The following KAZN variants were observed in gnomAD, a reference collection of about 807,000 sequenced individuals.
KAZN encodes kazrin, periplakin interacting protein.
In KAZN, 40 loss-of-function variants were observed where a neutral mutation model predicts 87.4. The observed-to-expected ratio is 0.46, with a 90% CI of 0.36 to 0.60. KAZN has a LOEUF of 0.60. KAZN is among the 20% of genes least tolerant of loss of function. KAZN has a pLI of 0.00. For missense variants in KAZN, 898 were observed against 1,073.9 expected (o/e 0.84, Z 2.29); for synonymous variants, 466 against 458.3 (o/e 1.02, Z -0.22).
At chr1:14,725,172 C>G (rs968422181) in intron 1 of KAZN, among the ~76,000 whole-genome samples, 1 of 152,236 alleles carries the variant, frequency 6.6e-6, no homozygotes, top group Non-Finnish European at 1.5e-5. Context: ...CCCTCTCACT[C>G]ACTGGGTGCC....
chr1:13,938,337 G>A (rs1299949746), intron 1 of KAZN, among the ~76,000 whole-genome samples: 1 of 152,078 alleles, frequency 6.6e-6, no homozygotes, highest in African/African-American at 2.4e-5. Context: ...CATTCCTGGT[G>A]TATAGAAATG....
chr1:14,255,841 G>T (rs1438996137), intron 2 of KAZN, among the ~76,000 whole-genome samples: 1 of 152,298 alleles, frequency 6.6e-6, no homozygotes, highest in East Asian at 1.9e-4. Context: ...TAAGTGGTGA[G>T]CAAAGTAACA....
intron 1 of KAZN, among the ~76,000 whole-genome samples, chr1:14,640,749 G>C (rs1380678969): frequency 6.6e-6 from 1 of 152,174 alleles, no homozygotes; most frequent in Non-Finnish European, 1.5e-5. Context: ...CATGCCATTT[G>C]TTCTGCCTGG....
chr1:14,355,533 C>T (rs1451279141), intron 2 of KAZN, among the ~76,000 whole-genome samples: 1 of 151,926 alleles, frequency 6.6e-6, no homozygotes, highest in African/African-American at 2.4e-5. Context: ...ACCATCAACC[C>T]GTCATTGATC....
At chr1:14,756,895 T>C (rs1460839451) in intron 1 of KAZN, among the ~76,000 whole-genome samples, 1 of 152,256 alleles carries the variant, frequency 6.6e-6, no homozygotes. Context: ...ACCTTTTGTA[T>C]TTCTGCCAGC....
intron 1 of KAZN, among the ~76,000 whole-genome samples, chr1:14,690,852 T>A (rs1481540902): frequency 6.6e-6 from 1 of 152,180 alleles, no homozygotes; most frequent in Non-Finnish European, 1.5e-5. Flanking sequence ...CCAGGGTATG[T>A]GCTGTGATTT....
At position 15,033,368 on chromosome 1, in the gene KAZN, T is replaced by C. The variant is rs570583024; in HGVS notation, c.419-1381T>C. ...TCACCTTTTGGGCTCTGATGAATAA[T>C]GCTATAAACATTTGCATATAAGTTT... is the stretch of plus-strand genomic sequence containing the variant. On this transcript the variant is annotated intron_variant, in intron 2 of 14. Coordinates refer to ENST00000376030, the MANE Select transcript of KAZN (RefSeq NM_201628.3). Among the ~76,000 whole-genome samples the C allele has an allele frequency of 1.4e-4, 22 of 152,382 alleles. 1 individual carries two copies. The highest frequency in any genetic ancestry group is 4.6e-4 in the African/African-American group (19 of 41,590).
chr1:14,510,181 C>T (rs781495403), intron 2 of KAZN, among the ~76,000 whole-genome samples: 3 of 152,128 alleles, frequency 2.0e-5, no homozygotes, highest in Non-Finnish European at 4.4e-5. Context: ...GAGTTTGAGA[C>T]CAGCCTGACC....
chr1:14,206,247 CT>C (rs1169936621), intron 2 of KAZN, among the ~76,000 whole-genome samples: 1 of 151,976 alleles, frequency 6.6e-6, no homozygotes, highest in Admixed American at 6.6e-5. Context: ...AGTCAGCTGA[CT>C]TTTTGTTTTT....
At chr1:15,050,661 G>C (rs567444679) in intron 4 of KAZN, among the ~76,000 whole-genome samples, 1 of 152,220 alleles carries the variant, frequency 6.6e-6, no homozygotes, top group Admixed American at 6.5e-5. Flanking sequence ...CACCTTCTTG[G>C]ACCATTTGGA....
chr1:14,721,553 G>A (rs12140709), intron 1 of KAZN, among the ~76,000 whole-genome samples: 67,393 of 152,080 alleles, frequency 0.44, 15,877 homozygotes, highest in East Asian at 0.57. Flanking sequence ...AGCCTTGTTC[G>A]TGTTCGAGGT....
chr1:14,813,082 G>C (rs577509438), intron 1 of KAZN, among the ~76,000 whole-genome samples: 9 of 152,170 alleles, frequency 5.9e-5, no homozygotes, highest in Admixed American at 1.3e-4. Context: ...GTTCAGATTT[G>C]GATCTCTGTT....
intron 2 of KAZN, among the ~76,000 whole-genome samples, chr1:14,512,344 A>T (rs1172385038): frequency 2.0e-5 from 3 of 152,060 alleles, no homozygotes; most frequent in Non-Finnish European, 4.4e-5. Context: ...GCATTGTAGG[A>T]TGTCATTGTA....
At chr1:14,065,429 C>T (rs1642970597) in intron 1 of KAZN, among the ~76,000 whole-genome samples, 1 of 152,026 alleles carries the variant, frequency 6.6e-6, no homozygotes, top group African/African-American at 2.4e-5. Flanking sequence ...TGAAACAGGC[C>T]CTGCCAAAAA....
chr1:15,102,401 G>A (rs1260022707), intron 11 of KAZN, among the ~76,000 whole-genome samples: 1 of 152,122 alleles, frequency 6.6e-6, no homozygotes, highest in Non-Finnish European at 1.5e-5. Context: ...CAACAGTGTG[G>A]TGAAGGCCCA....
At chr1:14,742,345 C>T (rs1167287450) in intron 1 of KAZN, among the ~76,000 whole-genome samples, 3 of 152,180 alleles carry the variant, frequency 2.0e-5, no homozygotes, top group Non-Finnish European at 4.4e-5. Context: ...ATGAATGTGT[C>T]CCTCCCACTT....
intron 1 of KAZN, chr1:14,924,192 C>T: frequency 1.0e-6 from 1 of 981,564 alleles, no homozygotes; most frequent in Non-Finnish European, 1.2e-6. Flanking sequence ...GCGGACCGCC[C>T]GGCGTCCGGC....
chr1:15,048,774 GGGTCGTTGATCCTT>G lies in KAZN; in HGVS notation c.726+4620_726+4633del, dbSNP rs773001519. Among the ~76,000 whole-genome samples the G allele has an allele frequency of 7.6e-3, 1,098 of 145,374 alleles. 17 individuals are homozygous for G. The highest frequency in any genetic ancestry group is 0.035 in the Middle Eastern group (10 of 286). ...TCGTCGATCCTGGGTCGTCGATCCT[GGGTCGTTGATCCTT>G]GGTCATTGGTCCTGAGTCGTTGGTC... On this transcript the variant is annotated intron_variant, in intron 4 of 14. Coordinates refer to ENST00000376030, the MANE Select transcript of KAZN (RefSeq NM_201628.3).
At chr1:14,405,647 T>TGTGTGC (rs747253895) in intron 2 of KAZN, among the ~76,000 whole-genome samples, 1 of 150,114 alleles carries the variant, frequency 6.7e-6, no homozygotes, top group Admixed American at 6.6e-5. Flanking sequence ...TGTGTGTGTG[T>TGTGTGC]TTATACAGAG....
Sources: allele counts gnomAD v4.1 joint callset (sites outside exome capture counted in the v4.1 genomes callset), GRCh38; gene constraint gnomAD v4.1.1; transcripts MANE v1.5; gene names NCBI Gene and HGNC (gene_info 2026-07-23, HGNC 2026-07-21).